The following ABCD3 variants were observed in gnomAD, a reference collection of about 807,000 sequenced individuals.
ABCD3 encodes the protein ATP binding cassette subfamily D member 3.
In ABCD3, 41 loss-of-function variants were observed where a neutral mutation model predicts 105.5. The observed-to-expected ratio is 0.39, with a 90% CI of 0.30 to 0.50. The LOEUF is 0.50. ABCD3 is among the 20% of genes least tolerant of loss of function. The pLI is 0.84. For synonymous variants in ABCD3, 258 were observed against 269.0 expected (o/e 0.96, Z 0.40); for missense variants, 622 against 806.3 (o/e 0.77, Z 2.77).
intron 8 of ABCD3, among the ~76,000 whole-genome samples, chr1:94,479,855 C>A (rs2101004977): frequency 6.6e-6 from 1 of 151,956 alleles, no homozygotes; most frequent in African/African-American, 2.4e-5. Flanking sequence ...TTGGGATGGT[C>A]AATGGGTGAT....
In ABCD3 at chr1:94,418,410, T is replaced by C. The variant is rs1026956006; in HGVS notation, c.-69T>C. ...TCCTCCCAGTCTCCCCCGCGCTGCG[T>C]GCAGTAAGGTAGCCGCCGCCGCCGC... On this transcript the variant is annotated 5_prime_UTR_variant, in exon 1 of 23. Coordinates refer to ENST00000370214, the MANE Select transcript of ABCD3 (RefSeq NM_002858.4). The C allele has an allele frequency of 7.6e-7, 1 of 1,317,416 alleles. No homozygotes were observed. Among genetic ancestry groups the C allele is most frequent in the Non-Finnish European group, 1.1e-6 (1 of 948,954 alleles). The allele number at this position is 1,317,416 out of a possible 1,614,324, so 81.6% of individuals were successfully genotyped here.
intron 20 of ABCD3, among the ~76,000 whole-genome samples, chr1:94,506,237 G>C (rs1231658794): frequency 5.9e-5 from 9 of 152,006 alleles, no homozygotes; most frequent in Admixed American, 5.9e-4. Flanking sequence ...AATCTTATTT[G>C]TTTAGTGAGC....
chr1:94,438,831 G>C (rs151264923), intron 1 of ABCD3, among the ~76,000 whole-genome samples: 4 of 152,120 alleles, frequency 2.6e-5, no homozygotes, highest in African/African-American at 7.2e-5. Context: ...ACACAGTATA[G>C]TGTAAACATA....
intron 1 of ABCD3, chr1:94,432,468 CTATAAATAAAGTAT>C: frequency 6.6e-6 from 1 of 152,212 alleles, no homozygotes; most frequent in Non-Finnish European, 1.5e-5. Context: ...GGAGATATTA[CTATAAATAAAGTAT>C]TTATTGAACA....
upstream of ABCD3, among the ~76,000 whole-genome samples, chr1:94,414,987 C>T (rs1313574339): frequency 6.6e-6 from 1 of 152,178 alleles, no homozygotes; most frequent in African/African-American, 2.4e-5. Context: ...GATGGAGGAT[C>T]TGCTTCCAAG....
chr1:94,432,653 G>A (rs1172777148), intron 1 of ABCD3: 2 of 152,142 alleles, frequency 1.3e-5, no homozygotes, highest in African/African-American at 2.4e-5. Flanking sequence ...CATGTGGAAG[G>A]TAAAAGGCAG....
At chr1:94,403,600 T>C in the ABCD3 span, among the ~76,000 whole-genome samples, 1 of 152,208 alleles carries the variant, frequency 6.6e-6, no homozygotes, top group Non-Finnish European at 1.5e-5. Flanking sequence ...TTCTCCACTA[T>C]TATTTATTTG....
chr1:94,398,446 A>G, the ABCD3 span, among the ~76,000 whole-genome samples: 3 of 152,172 alleles, frequency 2.0e-5, no homozygotes, highest in Non-Finnish European at 4.4e-5. Flanking sequence ...GAATACACTG[A>G]TTTTATTCAG....
the ABCD3 span, among the ~76,000 whole-genome samples, chr1:94,404,396 C>T: frequency 6.6e-6 from 1 of 152,056 alleles, no homozygotes; most frequent in Admixed American, 6.6e-5. Flanking sequence ...ACATGGATTC[C>T]TTCCTTCTTT....
In ABCD3 at chr1:94,458,758, C is replaced by G. The variant is rs555239850; in HGVS notation, c.147+115C>G. ...AATTAGTAGGGAACTTAAAAATACT[C>G]CAGTCTTCTACACATTACAGGAATA... On this transcript the variant is annotated intron_variant, in intron 2 of 22. Coordinates refer to ENST00000370214, the MANE Select transcript of ABCD3 (RefSeq NM_002858.4). The G allele has an allele frequency of 3.1e-5, 31 of 1,005,908 alleles. No individual in the cohort carries two copies. The South Asian group carries it at 4.1e-4, about 13-fold the overall frequency. The allele number at this position is 1,005,908 out of a possible 1,614,324, so 62.3% of individuals were successfully genotyped here.
intron 4 of ABCD3, 118 bp from the exon 5 acceptor site, chr1:94,473,648 A>G: frequency 2.4e-6 from 2 of 827,988 alleles, no homozygotes; most frequent in South Asian, 1.6e-5. Flanking sequence ...CATCTTTTTT[A>G]TTGATTGTTT....
intron 16 of ABCD3, among the ~76,000 whole-genome samples, chr1:94,496,649 A>G (rs554692206): frequency 1.5e-4 from 16 of 106,694 alleles, no homozygotes; most frequent in African/African-American, 6.0e-4. Flanking sequence ...ATTTCCTACT[A>G]TTCTTCTTTC....
chr1:94,491,945 A>G (rs1230604254), intron 16 of ABCD3, among the ~76,000 whole-genome samples: 2 of 152,102 alleles, frequency 1.3e-5, no homozygotes, highest in South Asian at 2.1e-4. Flanking sequence ...CACATAGGCT[A>G]TGTTCCCCAT....
At chr1:94,482,755 C>T (rs1649090033) in intron 9 of ABCD3, 1 of 192,032 alleles carries the variant, frequency 5.2e-6, no homozygotes, top group Non-Finnish European at 1.1e-5. Flanking sequence ...GTCAAGTCAT[C>T]ACTATCCATC....
chr1:94,424,445 C>T (rs1157139568), intron 1 of ABCD3, among the ~76,000 whole-genome samples: 3 of 151,920 alleles, frequency 2.0e-5, no homozygotes, highest in Non-Finnish European at 2.9e-5. Flanking sequence ...TATTTTGAGA[C>T]GGGGTCTCAC....
chr1:94,427,672 A>T lies in ABCD3; in HGVS notation c.110+9084A>T, dbSNP rs982533461. The stretch of plus-strand genomic sequence containing the variant: ...AAAATTTTACGGGAAATGGTATTTC[A>T]CTATGTTGACCAGGCTAGTCTCGAA... On this transcript the variant is annotated intron_variant, in intron 1 of 22. Transcript: ENST00000370214. Among the ~76,000 whole-genome samples, 5 of 152,174 alleles carry T rather than the reference A, an allele frequency of 3.3e-5. No individual in the cohort carries two copies. In the South Asian group the frequency reaches 1.0e-3, roughly 31 times the overall value.
the ABCD3 span, among the ~76,000 whole-genome samples, chr1:94,403,935 T>G: frequency 6.6e-6 from 1 of 152,238 alleles, no homozygotes; most frequent in East Asian, 1.9e-4. Flanking sequence ...TACCAGACTT[T>G]GTTTCTTGGT....
At chr1:94,487,461 A>G (rs1358249276) in intron 10 of ABCD3, 81 bp from the exon 11 acceptor site, 3 of 1,214,168 alleles carry the variant, frequency 2.5e-6, no homozygotes, top group African/African-American at 3.0e-5. Context: ...TAAATGAACT[A>G]TACAGTTTGT....
the ABCD3 span, among the ~76,000 whole-genome samples, chr1:94,400,989 G>A: frequency 2.0e-5 from 3 of 152,174 alleles, no homozygotes; most frequent in Non-Finnish European, 2.9e-5. Context: ...GCTAGCACGT[G>A]AGTATGCTCA....
Sources: gnomAD v4.1 joint callset for allele counts (sites outside exome capture counted in the v4.1 genomes callset) on GRCh38, gnomAD v4.1.1 for gene constraint, MANE v1.5 for transcripts, NCBI Gene and HGNC (gene_info 2026-07-23, HGNC 2026-07-21) for gene names.